Variants in SLC12A7 observed in about 807,000 individuals in gnomAD.
SLC12A7 encodes the protein K-Cl cotransporter 4.
Under a neutral mutation model 120.6 loss-of-function variants are expected in SLC12A7, and 100 were observed. The observed-to-expected ratio is 0.83, with a 90% confidence interval of 0.71 to 0.98. The LOEUF is 0.98. Ranked by LOEUF, SLC12A7 falls within the 50% of genes least tolerant of loss-of-function variation. The pLI, the probability that SLC12A7 is intolerant of heterozygous loss-of-function variation, is 0.00. For synonymous variants in SLC12A7, 760 were observed against 678.0 expected, an observed-to-expected ratio of 1.12 and a Z score of -1.88; for missense variants, 1,373 against 1,548.1, an observed-to-expected ratio of 0.89 and a Z score of 1.90.
chr5:1,062,828 A>AC (rs1460418723), intron 20 of SLC12A7: 2 of 154,278 alleles, frequency 1.3e-5, no homozygotes, highest in African/African-American at 2.4e-5. Context: ...CCCAGCACCC[A>AC]CCTCCAGGAG....
intron 22 of SLC12A7, among the ~76,000 whole-genome samples, chr5:1,056,901 G>A (rs1735680181): frequency 6.6e-6 from 1 of 152,212 alleles, no homozygotes; most frequent in South Asian, 2.1e-4. Context: ...GCGTAGGGCA[G>A]GCCCTAAGGC....
chr5:1,127,343 G>C, the SLC12A7 span, among the ~76,000 whole-genome samples: 2 of 152,242 alleles, frequency 1.3e-5, no homozygotes, highest in Non-Finnish European at 2.9e-5. Flanking sequence ...CAGCTTTGAG[G>C]CCACAGAGGA....
chr5:1,155,472 G>C, the SLC12A7 span, among the ~76,000 whole-genome samples: 8 of 151,278 alleles, frequency 5.3e-5, no homozygotes, highest in African/African-American at 1.9e-4. Flanking sequence ...TGCAGGCCCC[G>C]GACAGGGCGG....
In SLC12A7 at chr5:1,055,596, T is replaced by C. The variant is rs189723600; in HGVS notation, c.3026+1875A>G. Among the ~76,000 whole-genome samples, 177 of 152,326 alleles carry C rather than the reference T, an allele frequency of 1.2e-3. 1 individual carries two copies. Among genetic ancestry groups the C allele is most frequent in the Admixed American group, 6.6e-3 (101 of 15,296 alleles). ...TACAAAGCCCACGCGTTGTCCATTCTGGCCCACCTTCTCCTGACCCTACAG... is the reference window on the plus strand; with the variant it reads ...TACAAAGCCCACGCGTTGTCCATTCCGGCCCACCTTCTCCTGACCCTACAG... On this transcript the variant is annotated intron_variant, in intron 22 of 23. Transcript: ENST00000264930.
intron 22 of SLC12A7, among the ~76,000 whole-genome samples, chr5:1,054,403 T>A (rs2150774278): frequency 6.6e-6 from 1 of 152,348 alleles, no homozygotes; most frequent in Admixed American, 6.5e-5. Flanking sequence ...GCTCAGGCCC[T>A]TGCGGGACAG....
chr5:1,058,189 G>A (rs551343473), intron 21 of SLC12A7, among the ~76,000 whole-genome samples: 3 of 152,224 alleles, frequency 2.0e-5, no homozygotes, highest in South Asian at 2.1e-4. Flanking sequence ...CCCCCTGTGC[G>A]TCACTTCTGA....
At chr5:1,086,140 G>A (rs1739840899) in intron 6 of SLC12A7, among the ~76,000 whole-genome samples, 1 of 152,192 alleles carries the variant, frequency 6.6e-6, no homozygotes, top group African/African-American at 2.4e-5. Context: ...ATGGCCAGGG[G>A]ACTCGGGTTG....
intron 18 of SLC12A7, among the ~76,000 whole-genome samples, chr5:1,064,647 C>T (rs1003763980): frequency 1.5e-4 from 23 of 149,660 alleles, no homozygotes; most frequent in Non-Finnish European, 2.2e-4. Flanking sequence ...ACAGAGGGGA[C>T]GGCGAGGAGA....
chr5:1,054,843 TG>T (rs764614983), intron 22 of SLC12A7, among the ~76,000 whole-genome samples: 9 of 152,204 alleles, frequency 5.9e-5, no homozygotes, highest in Non-Finnish European at 8.8e-5. Context: ...TAATTACAGA[TG>T]GGGTCTCTGT....
At chr5:1,121,325 C>T in the SLC12A7 span, among the ~76,000 whole-genome samples, 1 of 152,248 alleles carries the variant, frequency 6.6e-6, no homozygotes, top group African/African-American at 2.4e-5. Context: ...AGTGGTGCCA[C>T]CTGGCAGGGG....
chr5:1,139,668 C>T, the SLC12A7 span, among the ~76,000 whole-genome samples: 10 of 152,362 alleles, frequency 6.6e-5, no homozygotes, highest in South Asian at 8.3e-4. Flanking sequence ...CTGCCTTCCC[C>T]GAGTGCACAC....
the SLC12A7 span, among the ~76,000 whole-genome samples, chr5:1,118,931 G>A: frequency 6.6e-6 from 1 of 152,300 alleles, no homozygotes; most frequent in African/African-American, 2.4e-5. Flanking sequence ...GCCTCCCGGC[G>A]GGAGGGGCTC....
At chr5:1,129,174 A>G in the SLC12A7 span, among the ~76,000 whole-genome samples, 1 of 152,096 alleles carries the variant, frequency 6.6e-6, no homozygotes, top group African/African-American at 2.4e-5. Context: ...TCTCTCCTAG[A>G]CACACGAGGA....
At chr5:1,095,399 G>A (rs1182007814) in intron 1 of SLC12A7, among the ~76,000 whole-genome samples, 1 of 152,192 alleles carries the variant, frequency 6.6e-6, no homozygotes, top group African/African-American at 2.4e-5. Context: ...GCCCCAGCCA[G>A]GCACGGTGAG....
upstream of SLC12A7, among the ~76,000 whole-genome samples, chr5:1,114,522 G>A (rs1272739714): frequency 1.3e-5 from 2 of 152,088 alleles, no homozygotes; most frequent in East Asian, 1.9e-4. Flanking sequence ...CCTCCCACAC[G>A]GCAGCCTGGG....
chr5:1,120,436 G>A, the SLC12A7 span, among the ~76,000 whole-genome samples: 5 of 152,220 alleles, frequency 3.3e-5, no homozygotes, highest in Admixed American at 6.5e-5. Context: ...CCACCTCGCC[G>A]GGGGACGCGC....
chr5:1,068,578 C>A (rs1485703676), intron 17 of SLC12A7, among the ~76,000 whole-genome samples: 1 of 152,268 alleles, frequency 6.6e-6, no homozygotes, highest in African/African-American at 2.4e-5. Flanking sequence ...AAGGCGGGGC[C>A]TGCGGCTGGC....
intron 1 of SLC12A7, among the ~76,000 whole-genome samples, chr5:1,094,889 G>T (rs1311112493): frequency 6.6e-6 from 1 of 152,126 alleles, no homozygotes; most frequent in Non-Finnish European, 1.5e-5. Context: ...TCGAACCAGG[G>T]GGTAATCCTA....
chr5:1,065,179 C>G lies in SLC12A7; in HGVS notation c.2437+104G>C, dbSNP rs1359346806. 7 of 971,410 alleles carry G rather than the reference C, an allele frequency of 7.2e-6. No homozygotes were observed. In the African/African-American group the frequency reaches 1.3e-4, roughly 18 times the overall value. 60.2% of individuals were successfully genotyped at this position (971,410 alleles called of 1,614,324 possible). A position where few individuals can be genotyped will look rare whatever the true frequency, so the allele number is the denominator to read the frequency against. On this transcript the variant is annotated intron_variant, in intron 18 of 23. Transcript: ENST00000264930. ...GGACGAAAAGGGGACAGTGAGAGGA[C>G]AGCGAGGGGACACTGAGGAGACACA...
Sources: gnomAD v4.1 joint callset for allele counts (sites outside exome capture counted in the v4.1 genomes callset) on GRCh38, gnomAD v4.1.1 for gene constraint, MANE v1.5 for transcripts, NCBI Gene and HGNC (gene_info 2026-07-23, HGNC 2026-07-21) for gene names.